AKAP7: variants seen among roughly 807,000 people sequenced by gnomAD.
AKAP7 encodes A-kinase anchoring protein 7.
AKAP7 carries 39 observed loss-of-function variants against 39.5 expected under a neutral mutation model. The ratio of observed to expected loss-of-function variants is 0.99; its 90% confidence interval spans 0.76 to 1.29. The LOEUF (loss-of-function observed/expected upper bound fraction) is 1.29, where lower values mean the gene tolerates loss of function less well. AKAP7 is among the 50% of genes most tolerant of loss of function. AKAP7 has a pLI of 0.00. For missense variants in AKAP7, 414 were observed against 407.7 expected (o/e 1.02, Z -0.13); for synonymous variants, 140 against 139.1 (o/e 1.01, Z -0.05).
At position 131,135,633 on chromosome 6, in the gene AKAP7, G is replaced by C. The variant is rs535937641; in HGVS notation, c.-131G>C. Reference sequence around the variant, plus strand: ...GCAGCCTGTCGCTGGACCCCGCGCCGGCCCAGCGCACCGCCCTCAGGCCCC... The same window carrying C: ...GCAGCCTGTCGCTGGACCCCGCGCCCGCCCAGCGCACCGCCCTCAGGCCCC... On this transcript the variant is annotated 5_prime_UTR_variant, in exon 1 of 8. Transcript: ENST00000431975. The C allele has an allele frequency of 1.2e-6, 1 of 832,098 alleles. No individual in the cohort carries two copies. Among genetic ancestry groups the C allele is most frequent in the South Asian group, 5.3e-5 (1 of 19,016 alleles). The allele number at this position is 832,098 out of a possible 1,614,324, so 51.5% of individuals were successfully genotyped here.
chr6:131,161,461 A>G (rs1802938656), intron 3 of AKAP7, among the ~76,000 whole-genome samples: 3 of 151,666 alleles, frequency 2.0e-5, no homozygotes, highest in South Asian at 2.1e-4. Flanking sequence ...CCTGGGCAAC[A>G]TGGCAAAACC....
In AKAP7 at chr6:131,204,754, C is replaced by T. The variant is rs79169721; in HGVS notation, c.702+5181C>T. ...AGGAGTGAGGGGCAGCCACCGGATT[C>T]AGAAAACCTGAAGATTTTCCATTGT... On this transcript the variant is annotated intron_variant, in intron 6 of 7. Coordinates refer to ENST00000431975, the MANE Select transcript of AKAP7 (RefSeq NM_016377.4). Among the ~76,000 whole-genome samples the T allele has an allele frequency of 9.9e-3, 1,512 of 152,232 alleles. 23 individuals carry two copies. Among genetic ancestry groups the T allele is most frequent in the Non-Finnish European group, 0.011 (735 of 68,010 alleles).
chr6:131,175,953 T>C (rs1158090302), intron 5 of AKAP7, among the ~76,000 whole-genome samples: 2 of 152,240 alleles, frequency 1.3e-5, no homozygotes, highest in Admixed American at 6.5e-5. Flanking sequence ...TGGGTCATTA[T>C]TTTCTTATAA....
At chr6:131,271,183 A>T (rs1022398784) in intron 7 of AKAP7, among the ~76,000 whole-genome samples, 2 of 152,132 alleles carry the variant, frequency 1.3e-5, no homozygotes, top group African/African-American at 2.4e-5. Flanking sequence ...TCTTCTAGAC[A>T]GTTTATACTT....
chr6:131,203,192 A>G (rs944793610), intron 6 of AKAP7, among the ~76,000 whole-genome samples: 11 of 152,336 alleles, frequency 7.2e-5, no homozygotes, highest in South Asian at 2.1e-4. Flanking sequence ...TTACTTTACT[A>G]TAATTCGTGG....
At chr6:131,277,176 A>G (rs1009354123) in intron 7 of AKAP7, among the ~76,000 whole-genome samples, 5 of 152,108 alleles carry the variant, frequency 3.3e-5, no homozygotes, top group African/African-American at 9.7e-5. Context: ...AGTTGATTGA[A>G]AAGTTTCTTA....
intron 6 of AKAP7, among the ~76,000 whole-genome samples, chr6:131,210,112 G>C (rs1007765129): frequency 3.9e-5 from 6 of 152,216 alleles, no homozygotes; most frequent in Non-Finnish European, 7.3e-5. Context: ...GAGGGACTCA[G>C]ATATGAGAAG....
At chr6:131,253,082 A>G in intron 7 of AKAP7, 1 of 1,613,700 alleles carries the variant, frequency 6.2e-7, no homozygotes, top group Non-Finnish European at 8.5e-7. Context: ...AGATACAGCA[A>G]GGATATACCC....
At chr6:131,216,179 A>AT (rs1170643958) in intron 6 of AKAP7, among the ~76,000 whole-genome samples, 1 of 152,228 alleles carries the variant, frequency 6.6e-6, no homozygotes, top group Non-Finnish European at 1.5e-5. Context: ...TTAAAGATGA[A>AT]TAAGTGTATC....
At chr6:131,273,940 C>CTTT (rs1161809027) in intron 7 of AKAP7, among the ~76,000 whole-genome samples, 1 of 130,298 alleles carries the variant, frequency 7.7e-6, no homozygotes, top group African/African-American at 2.8e-5. Context: ...GTTGCCTTTT[C>CTTT]TTTTTTTTTT....
At chr6:131,139,872 C>A (rs1800882847) in intron 1 of AKAP7, among the ~76,000 whole-genome samples, 1 of 152,144 alleles carries the variant, frequency 6.6e-6, no homozygotes, top group South Asian at 2.1e-4. Context: ...GGTCACTTTA[C>A]CTTAGAATCT....
chr6:131,146,187 GAACAGGTCAA>G, intron 2 of AKAP7, among the ~76,000 whole-genome samples: 1 of 152,200 alleles, frequency 6.6e-6, no homozygotes, highest in South Asian at 2.1e-4. Context: ...TTAATAGTGA[GAACAGGTCAA>G]CTTTTAATTA....
the AKAP7 span, among the ~76,000 whole-genome samples, chr6:131,127,106 C>T: frequency 7.9e-5 from 12 of 151,844 alleles, no homozygotes; most frequent in African/African-American, 2.7e-4. Flanking sequence ...AGTGCAGTGG[C>T]GCGATCTCGG....
chr6:131,274,688 C>T (rs1193305662), intron 7 of AKAP7, among the ~76,000 whole-genome samples: 2 of 152,074 alleles, frequency 1.3e-5, no homozygotes, highest in African/African-American at 4.8e-5. Flanking sequence ...TACATAGGTC[C>T]CTTTATCCCC....
At chr6:131,166,355 G>T (rs978435549) in intron 4 of AKAP7, among the ~76,000 whole-genome samples, 1 of 151,110 alleles carries the variant, frequency 6.6e-6, no homozygotes, top group Non-Finnish European at 1.5e-5. Flanking sequence ...TGAGAGAAGG[G>T]AGTAGTGCTC....
intron 6 of AKAP7, among the ~76,000 whole-genome samples, chr6:131,211,892 T>G (rs910037985): frequency 6.6e-6 from 1 of 152,170 alleles, no homozygotes. Context: ...GAACAAGTTG[T>G]AAGTTAAAAA....
In AKAP7 at chr6:131,199,357, C is replaced by T. The variant is rs112061771; in HGVS notation, c.590-104C>T. On this transcript the variant is annotated intron_variant, in intron 5 of 7. Coordinates refer to ENST00000431975, the MANE Select transcript of AKAP7 (RefSeq NM_016377.4). ...AAGCAGGTGTATAAAGTAATCTTCA[C>T]TGTAAAATAATTAGTGATTGTTTGA... 3.0e-5 allele frequency: 23 copies of T among 757,136 alleles called. No individual in the cohort carries two copies. The African/African-American group carries it at 3.2e-4, about 11-fold the overall frequency. The allele number at this position is 757,136 out of a possible 1,614,324, so 46.9% of individuals were successfully genotyped here. A position where few individuals can be genotyped will look rare whatever the true frequency, so the allele number is the denominator to read the frequency against.
intron 6 of AKAP7, among the ~76,000 whole-genome samples, chr6:131,199,829 T>G (rs1807345105): frequency 6.6e-6 from 1 of 152,188 alleles, no homozygotes; most frequent in Non-Finnish European, 1.5e-5. Context: ...CACTGTTGCC[T>G]CACCTGCTTC....
chr6:131,243,500 T>C (rs185408576), intron 7 of AKAP7, among the ~76,000 whole-genome samples: 1 of 152,350 alleles, frequency 6.6e-6, no homozygotes, highest in Admixed American at 6.5e-5. Flanking sequence ...AACAGCATTT[T>C]ATCTGGTATA....
Sources: allele counts gnomAD v4.1 joint callset (sites outside exome capture counted in the v4.1 genomes callset), GRCh38; gene constraint gnomAD v4.1.1; transcripts MANE v1.5; gene names NCBI Gene and HGNC (gene_info 2026-07-23, HGNC 2026-07-21).